The following EYS variants were observed in gnomAD, a reference collection of about 807,000 sequenced individuals.
The protein encoded by EYS is protein eyes shut homolog.
EYS carries 250 observed loss-of-function variants against 282.1 expected under a neutral mutation model. That is an observed-to-expected ratio of 0.89 (90% CI 0.80 to 0.98). EYS has a LOEUF of 0.98. Among genes scored for constraint, EYS ranks in the 50% least tolerant of loss-of-function variants. The pLI is 0.00. For missense variants in EYS, 4,016 were observed against 3,709.0 expected, an observed-to-expected ratio of 1.08 and a Z score of -2.15; for synonymous variants, 1,355 against 1,282.9, an observed-to-expected ratio of 1.06 and a Z score of -1.20.
At chr6:64,695,689 A>G (rs1770554797) in intron 22 of EYS, among the ~76,000 whole-genome samples, 1 of 149,562 alleles carries the variant, frequency 6.7e-6, no homozygotes, top group South Asian at 2.1e-4. Flanking sequence ...GGTTCAAGTG[A>G]TTCTCCTGCA....
chr6:65,505,990 A>G (rs982856271), intron 2 of EYS, among the ~76,000 whole-genome samples: 1 of 152,110 alleles, frequency 6.6e-6, no homozygotes, highest in East Asian at 1.9e-4. Flanking sequence ...AATGTATCCA[A>G]CCGTAATGGT....
intron 22 of EYS, among the ~76,000 whole-genome samples, chr6:64,719,532 A>G (rs1256339952): frequency 6.6e-6 from 1 of 152,202 alleles, no homozygotes; most frequent in Non-Finnish European, 1.5e-5. Context: ...AACAAAAGAA[A>G]AATTCCTGAG....
chr6:63,722,773 T>C (rs1039037606), intron 42 of EYS, among the ~76,000 whole-genome samples: 1 of 152,176 alleles, frequency 6.6e-6, no homozygotes, highest in African/African-American at 2.4e-5. Flanking sequence ...CTCCTGCAAA[T>C]GGTGTTCTTT....
At chr6:65,178,474 A>G (rs954469869) in intron 12 of EYS, among the ~76,000 whole-genome samples, 3 of 152,010 alleles carry the variant, frequency 2.0e-5, no homozygotes, top group African/African-American at 7.2e-5. Flanking sequence ...AGGCCATTAC[A>G]TAATGGTAAA....
At chr6:64,650,058 GA>G (rs1768503352) in intron 22 of EYS, among the ~76,000 whole-genome samples, 1 of 152,086 alleles carries the variant, frequency 6.6e-6, no homozygotes, top group African/African-American at 2.4e-5. Context: ...ACAGCTAACA[GA>G]AATATTTTCA....
In EYS at chr6:64,997,720, A is replaced by G; in HGVS notation, c.2138-17T>C. On this transcript the variant is annotated splice_polypyrimidine_tract_variant and intron_variant, in intron 13 of 42. Transcript: ENST00000503581. ...CATCAACCACTGGAAACAACAGAAA[A>G]GAGAAAACTCTTAACATTCCTTTAA... is the stretch of plus-strand genomic sequence containing the variant. 1 of 1,549,690 alleles carries G rather than the reference A, an allele frequency of 6.5e-7. No individual in the cohort carries two copies. The highest frequency in any genetic ancestry group is 8.7e-7 in the Non-Finnish European group (1 of 1,145,648).
intron 2 of EYS, among the ~76,000 whole-genome samples, 192 bp from the exon 3 acceptor site, chr6:65,496,185 G>T (rs2127272846): frequency 6.6e-6 from 1 of 151,550 alleles, no homozygotes; most frequent in South Asian, 2.1e-4. Flanking sequence ...CTGTAGGAAT[G>T]GTGGAAGGTG....
intron 30 of EYS, among the ~76,000 whole-genome samples, chr6:64,289,030 G>A (rs1038133066): frequency 4.6e-5 from 7 of 151,850 alleles, no homozygotes; most frequent in Admixed American, 1.3e-4. Flanking sequence ...AAAGTGATTC[G>A]GGTGCTTCAT....
At chr6:65,104,443 G>C (rs906522837) in intron 12 of EYS, among the ~76,000 whole-genome samples, 6 of 151,366 alleles carry the variant, frequency 4.0e-5, no homozygotes, top group African/African-American at 1.2e-4. Context: ...TTGAGTAAAT[G>C]CTAACATATT....
intron 40 of EYS, among the ~76,000 whole-genome samples, chr6:63,768,144 C>G (rs186555009): frequency 1.3e-4 from 20 of 152,000 alleles, no homozygotes; most frequent in Admixed American, 1.1e-3. Flanking sequence ...CTAGGAAATA[C>G]CATTCTGGAC....
chr6:65,672,177 G>C (rs967936378), intron 1 of EYS, among the ~76,000 whole-genome samples: 1 of 152,096 alleles, frequency 6.6e-6, no homozygotes, highest in Admixed American at 6.6e-5. Flanking sequence ...AGAATAAAAG[G>C]TGTGTCAAAT....
intron 30 of EYS, among the ~76,000 whole-genome samples, chr6:64,240,566 G>A (rs529426630): frequency 1.3e-5 from 2 of 152,264 alleles, no homozygotes; most frequent in East Asian, 1.9e-4. Context: ...TCTGTTATTG[G>A]TGTATAGGAA....
intron 31 of EYS, among the ~76,000 whole-genome samples, chr6:64,082,781 A>C (rs1157526041): frequency 1.3e-5 from 2 of 152,162 alleles, no homozygotes; most frequent in African/African-American, 4.8e-5. Context: ...AAAATTTAAA[A>C]CATTTCATTG....
intron 22 of EYS, among the ~76,000 whole-genome samples, chr6:64,693,249 C>G (rs1770463463): frequency 6.6e-6 from 1 of 151,534 alleles, no homozygotes; most frequent in African/African-American, 2.4e-5. Flanking sequence ...CCAATTGATT[C>G]AGTCCAAATG....
At chr6:63,910,809 T>C (rs1262506113) in intron 35 of EYS, among the ~76,000 whole-genome samples, 1 of 152,202 alleles carries the variant, frequency 6.6e-6, no homozygotes, top group Non-Finnish European at 1.5e-5. Context: ...TTTATATTAT[T>C]AGCATTTTAA....
At chr6:65,330,396 G>C in intron 11 of EYS, 1 of 984,376 alleles carries the variant, frequency 1.0e-6, no homozygotes. Context: ...TCACAGTCTG[G>C]GCATGGTATT....
chr6:64,551,899 C>G (rs987791266), intron 26 of EYS, among the ~76,000 whole-genome samples: 9 of 152,188 alleles, frequency 5.9e-5, no homozygotes, highest in Admixed American at 5.2e-4. Context: ...GATCGCCATT[C>G]TAACTGATAT....
intron 10 of EYS, among the ~76,000 whole-genome samples, chr6:65,342,439 T>G (rs1342900246): frequency 6.6e-6 from 1 of 150,956 alleles, no homozygotes; most frequent in African/African-American, 2.4e-5. Context: ...TTAAAATGAT[T>G]GTGTAAGTTT....
chr6:65,604,882 C>A (rs1440724122), intron 2 of EYS, among the ~76,000 whole-genome samples: 1 of 141,892 alleles, frequency 7.0e-6, no homozygotes, highest in Non-Finnish European at 1.5e-5. Flanking sequence ...CTTGCTCTGT[C>A]ACATAGGCTG....
Sources: allele counts gnomAD v4.1 joint callset (sites outside exome capture counted in the v4.1 genomes callset), GRCh38; gene constraint gnomAD v4.1.1; transcripts MANE v1.5; gene names NCBI Gene and HGNC (gene_info 2026-07-23, HGNC 2026-07-21).